The following GSK3B variants were observed in gnomAD, a reference collection of about 807,000 sequenced individuals.
GSK3B encodes glycogen synthase kinase 3 beta.
Under a neutral mutation model 56.4 loss-of-function variants are expected in GSK3B, and 15 were observed. That is an observed-to-expected ratio of 0.27 (90% CI 0.18 to 0.41). GSK3B has a LOEUF of 0.41. GSK3B is among the 10% of genes least tolerant of loss of function. GSK3B has a pLI of 1.00. For synonymous variants in GSK3B, 181 were observed against 188.9 expected, an observed-to-expected ratio of 0.96 and a Z score of 0.34; for missense variants, 300 against 513.4, an observed-to-expected ratio of 0.58 and a Z score of 4.02.
intron 1 of GSK3B, among the ~76,000 whole-genome samples, chr3:120,060,371 C>T (rs1451125512): frequency 6.6e-6 from 1 of 152,092 alleles, no homozygotes; most frequent in African/African-American, 2.4e-5. Flanking sequence ...CCTAGACAGA[C>T]CAGATACATT....
At chr3:119,976,686 A>G (rs974375827) in intron 2 of GSK3B, among the ~76,000 whole-genome samples, 2 of 151,778 alleles carry the variant, frequency 1.3e-5, no homozygotes, top group African/African-American at 4.8e-5. Flanking sequence ...ATCCTTTAAA[A>G]GGGTAAATAT....
Position 119,837,622 on chromosome 3 carries a change from T to C in GSK3B, c.1195+5633A>G, listed in dbSNP as rs1041644880. Among the ~76,000 whole-genome samples the C allele has an allele frequency of 7.2e-5, 11 of 151,942 alleles. 1 individual carries two copies. In the East Asian group the frequency reaches 1.4e-3, roughly 19 times the overall value. ...GGTTTTTAACAGCAGAACCATTGCA[T>C]TGAAAGAAACTTTATGCTGATGACC... is the stretch of plus-strand genomic sequence containing the variant. On this transcript the variant is annotated intron_variant, in intron 10 of 10. Coordinates refer to ENST00000264235, the MANE Select transcript of GSK3B (RefSeq NM_001146156.2).
At chr3:119,852,126 GT>G (rs997825024) in intron 9 of GSK3B, among the ~76,000 whole-genome samples, 4 of 152,236 alleles carry the variant, frequency 2.6e-5, no homozygotes, top group Non-Finnish European at 4.4e-5. Context: ...TACTGATACT[GT>G]TTTGGTAATA....
chr3:119,896,404 T>C (rs927225346), intron 7 of GSK3B, among the ~76,000 whole-genome samples: 9 of 152,200 alleles, frequency 5.9e-5, no homozygotes, highest in Admixed American at 2.6e-4. Flanking sequence ...GGGGGGTATA[T>C]GAATCTCTTG....
intron 2 of GSK3B, among the ~76,000 whole-genome samples, chr3:119,990,352 T>C (rs1030968247): frequency 1.3e-5 from 2 of 152,162 alleles, no homozygotes; most frequent in South Asian, 2.1e-4. Flanking sequence ...ATATATACTC[T>C]TAGTCTGTAA....
At chr3:119,857,027 A>G (rs917983478) in intron 9 of GSK3B, among the ~76,000 whole-genome samples, 2 of 152,338 alleles carry the variant, frequency 1.3e-5, no homozygotes, top group African/African-American at 4.8e-5. Context: ...GTGGGCAATA[A>G]GCATTACATC....
intron 7 of GSK3B, among the ~76,000 whole-genome samples, chr3:119,902,071 CG>C (rs2056630252): frequency 1.3e-5 from 2 of 152,050 alleles, no homozygotes; most frequent in African/African-American, 2.4e-5. Context: ...CCTTAAAAAA[CG>C]TGAGAACTGA....
rs182175500 is a variant in GSK3B, at chr3:120,086,815, A to G, written c.88+6532T>C. On this transcript the variant is annotated intron_variant, in intron 1 of 10. Transcript: ENST00000264235. ...GACCCTGTCTCCAAAAAAAAAAAAAAATTTCTCTGGGTGAACATTTTCAAC... is the reference window on the plus strand; with the variant it reads ...GACCCTGTCTCCAAAAAAAAAAAAAGATTTCTCTGGGTGAACATTTTCAAC... 1.5e-3 allele frequency among the ~76,000 whole-genome samples: 234 copies of G among 152,212 alleles called. 1 individual carries two copies. Among genetic ancestry groups the G allele is most frequent in the Middle Eastern group, 3.4e-3 (1 of 294 alleles).
chr3:119,860,603 CA>C (rs908322583), intron 9 of GSK3B, among the ~76,000 whole-genome samples: 4 of 152,164 alleles, frequency 2.6e-5, no homozygotes, highest in Non-Finnish European at 5.9e-5. Flanking sequence ...TAACAAACAT[CA>C]AAATGCAGTT....
At chr3:120,018,228 G>A (rs1559878295) in intron 1 of GSK3B, among the ~76,000 whole-genome samples, 1 of 152,144 alleles carries the variant, frequency 6.6e-6, no homozygotes, top group African/African-American at 2.4e-5. Flanking sequence ...AATTGCTCAA[G>A]GTTATATACA....
chr3:119,905,786 C>G lies in GSK3B; in HGVS notation c.782G>C (p.Ser261Thr). ...LLGQPIFPGD[S>T]GVDQLVEIIK... ...TATTTCTACCAACTGATCCACACCACTATCCCCTGGAAATATTGGTTGTCC... is the reference window on the plus strand; with the variant it reads ...TATTTCTACCAACTGATCCACACCAGTATCCCCTGGAAATATTGGTTGTCC... Residue 261 changes from serine to threonine, a missense_variant, in exon 7 of 11, where the codon AGT becomes ACT. Ser to Thr is a moderately conservative substitution (Grantham distance 58, BLOSUM62 1). This residue lies in a region of GSK3B where 39 missense variants were observed against 154.6 expected (regional missense o/e 0.25). Coordinates refer to ENST00000264235, the MANE Select transcript of GSK3B (RefSeq NM_001146156.2). 6.3e-7 allele frequency: 1 copy of G among 1,597,212 alleles called. No individual in the cohort carries two copies. Among genetic ancestry groups the G allele is most frequent in the Non-Finnish European group, 8.6e-7 (1 of 1,164,660 alleles).
chr3:119,998,779 C>A (rs547917651), intron 2 of GSK3B, among the ~76,000 whole-genome samples: 1 of 151,992 alleles, frequency 6.6e-6, no homozygotes. Flanking sequence ...TAGTGAGATG[C>A]GTCTCTACAA....
At chr3:120,031,578 G>C (rs1385086343) in intron 1 of GSK3B, among the ~76,000 whole-genome samples, 1 of 152,130 alleles carries the variant, frequency 6.6e-6, no homozygotes, top group African/African-American at 2.4e-5. Flanking sequence ...AGGGACAGAG[G>C]GTGAAGTAGG....
intron 1 of GSK3B, among the ~76,000 whole-genome samples, chr3:120,047,979 C>G (rs1026272577): frequency 6.6e-6 from 1 of 152,204 alleles, no homozygotes; most frequent in Admixed American, 6.5e-5. Flanking sequence ...AATATCAATG[C>G]TGTCCAGCTC....
At chr3:119,836,849 T>C (rs2055698654) in intron 10 of GSK3B, among the ~76,000 whole-genome samples, 1 of 152,236 alleles carries the variant, frequency 6.6e-6, no homozygotes, top group Non-Finnish European at 1.5e-5. Context: ...AAAACATTTC[T>C]AGTAGGCTCT....
At chr3:119,847,588 C>T (rs74987763) in intron 9 of GSK3B, among the ~76,000 whole-genome samples, 3,950 of 152,166 alleles carry the variant, frequency 0.026, 176 homozygotes, top group African/African-American at 0.089. Flanking sequence ...AATCAACTTA[C>T]AGAAAAAGCC....
chr3:119,943,568 G>A (rs556424797), intron 3 of GSK3B, among the ~76,000 whole-genome samples: 53 of 152,192 alleles, frequency 3.5e-4, no homozygotes, highest in African/African-American at 1.3e-3. Context: ...TTCCAAAAAG[G>A]GAGTAATAGA....
At chr3:119,975,223 G>A (rs1024946215) in intron 2 of GSK3B, among the ~76,000 whole-genome samples, 2 of 152,204 alleles carry the variant, frequency 1.3e-5, no homozygotes, top group Non-Finnish European at 2.9e-5. Flanking sequence ...GAGGCAGGTG[G>A]ATCACCTGAG....
rs2057829091 is a variant in GSK3B, at chr3:120,016,505, CCTA to C, written c.89-14269_89-14267del. 2.0e-5 allele frequency among the ~76,000 whole-genome samples: 3 copies of C among 152,122 alleles called. No homozygotes were observed. The South Asian group carries it at 6.2e-4, about 32-fold the overall frequency. On this transcript the variant is annotated intron_variant, in intron 1 of 10. Coordinates refer to ENST00000264235, the MANE Select transcript of GSK3B (RefSeq NM_001146156.2). ...TGTCCATTTACTGAAAAACTCGTGT[CCTA>C]CTACATTACTTTGCTAAGGACCATG...
Sources: allele counts gnomAD v4.1 joint callset (sites outside exome capture counted in the v4.1 genomes callset), GRCh38; gene constraint gnomAD v4.1.1; regional missense constraint gnomAD v4.1.1; transcripts MANE v1.5; gene names NCBI Gene and HGNC (gene_info 2026-07-23, HGNC 2026-07-21).